Variants in CSMD3 observed in about 807,000 individuals in gnomAD.
CSMD3 encodes the protein CUB and Sushi multiple domains 3, also known as CUB and sushi domain-containing protein 3.
In CSMD3, 177 loss-of-function variants were observed where a neutral mutation model predicts 435.2. The observed-to-expected ratio is 0.41, with a 90% confidence interval of 0.36 to 0.46. The LOEUF (loss-of-function observed/expected upper bound fraction) is 0.46, where lower values mean the gene tolerates loss of function less well. CSMD3 is among the 20% of genes least tolerant of loss of function. CSMD3 has a pLI of 0.34. For synonymous variants in CSMD3, 1,656 were observed against 1,520.5 expected (o/e 1.09, Z -2.07); for missense variants, 4,265 against 4,504.6 (o/e 0.95, Z 1.52).
At chr8:112,446,416 A>T (rs1815612463) in intron 32 of CSMD3, among the ~76,000 whole-genome samples, 1 of 152,226 alleles carries the variant, frequency 6.6e-6, no homozygotes. Flanking sequence ...CTCAAACTTA[A>T]ATGCACATAA....
At chr8:112,258,993 C>A (rs187198498) in intron 61 of CSMD3, among the ~76,000 whole-genome samples, 1 of 151,772 alleles carries the variant, frequency 6.6e-6, no homozygotes. Flanking sequence ...GAGCCGAGAT[C>A]GTGCCACTGC....
chr8:113,040,262 C>T (rs1238753357), intron 5 of CSMD3, among the ~76,000 whole-genome samples: 1 of 152,092 alleles, frequency 6.6e-6, no homozygotes, highest in Non-Finnish European at 1.5e-5. Context: ...GTTAGGAATG[C>T]TGTTGGAAAG....
At chr8:113,429,576 A>G (rs2094658118) in intron 1 of CSMD3, among the ~76,000 whole-genome samples, 1 of 152,000 alleles carries the variant, frequency 6.6e-6, no homozygotes, top group Non-Finnish European at 1.5e-5. Flanking sequence ...TCACTCCATA[A>G]TTATCTCCTT....
chr8:112,933,577 T>C (rs996545457), intron 9 of CSMD3, among the ~76,000 whole-genome samples: 3 of 152,164 alleles, frequency 2.0e-5, no homozygotes, highest in African/African-American at 7.2e-5. Context: ...ATACTCTGAA[T>C]CATAGATCAG....
chr8:112,593,271 G>A (rs748632513), intron 22 of CSMD3, among the ~76,000 whole-genome samples: 17 of 152,124 alleles, frequency 1.1e-4, no homozygotes, highest in Non-Finnish European at 2.2e-4. Flanking sequence ...TATGAGGAAT[G>A]AATTGTAGTC....
intron 3 of CSMD3, among the ~76,000 whole-genome samples, chr8:113,270,316 C>T (rs1236461494): frequency 3.0e-5 from 2 of 67,732 alleles, no homozygotes; most frequent in Non-Finnish European, 5.8e-5. Context: ...ATTAAAAAGT[C>T]GGGAAACAAC....
At chr8:112,594,769 C>T (rs1253773837) in intron 22 of CSMD3, among the ~76,000 whole-genome samples, 14 of 152,116 alleles carry the variant, frequency 9.2e-5, no homozygotes, top group East Asian at 1.9e-4. Flanking sequence ...ACACCTCACA[C>T]GGCAGGGTAC....
chr8:112,627,757 GAT>G (rs1432166999), intron 22 of CSMD3, among the ~76,000 whole-genome samples: 1 of 152,112 alleles, frequency 6.6e-6, no homozygotes, highest in Non-Finnish European at 1.5e-5. Flanking sequence ...TCACCATATA[GAT>G]AGGTCAGGGT....
chr8:112,705,206 A>G (rs2076472830), intron 13 of CSMD3, among the ~76,000 whole-genome samples: 1 of 152,066 alleles, frequency 6.6e-6, no homozygotes, highest in South Asian at 2.1e-4. Context: ...TCTTTTACCT[A>G]AAAACAAGCC....
intron 3 of CSMD3, among the ~76,000 whole-genome samples, chr8:113,254,754 T>A (rs200415069): frequency 5.4e-4 from 65 of 120,956 alleles, no homozygotes; most frequent in African/African-American, 2.5e-3. Context: ...TATATAAAAA[T>A]AAAAATTGTT....
chr8:112,874,291 C>T (rs932670696), intron 10 of CSMD3, among the ~76,000 whole-genome samples: 3 of 151,924 alleles, frequency 2.0e-5, no homozygotes, highest in Non-Finnish European at 2.9e-5. Flanking sequence ...TTATGATTTC[C>T]GTTCTTTTAC....
chr8:112,578,149 A>C (rs1474062090), intron 23 of CSMD3, among the ~76,000 whole-genome samples: 1 of 152,112 alleles, frequency 6.6e-6, no homozygotes, highest in East Asian at 1.9e-4. Context: ...AAAAGTCTCT[A>C]TTCTAAAACT....
intron 32 of CSMD3, among the ~76,000 whole-genome samples, chr8:112,448,771 A>C (rs10110718): frequency 0.42 from 63,396 of 149,190 alleles, 14,606 homozygotes; most frequent in Middle Eastern, 0.61. Flanking sequence ...AAAAAAAAAA[A>C]AAAAAAACCA....
At chr8:112,979,628 C>A (rs1270833636) in intron 6 of CSMD3, among the ~76,000 whole-genome samples, 1 of 151,398 alleles carries the variant, frequency 6.6e-6, no homozygotes, top group Admixed American at 6.6e-5. Flanking sequence ...ACTTTACTTT[C>A]ATTTTTGAAA....
Position 112,843,990 on chromosome 8 carries a change from A to C in CSMD3, c.1756-14201T>G, listed in dbSNP as rs538274604. Among the ~76,000 whole-genome samples the C allele has an allele frequency of 2.0e-5, 3 of 152,032 alleles. No individual in the cohort carries two copies. In the South Asian group the frequency reaches 6.2e-4, roughly 32 times the overall value. On this transcript the variant is annotated intron_variant, in intron 11 of 70. Coordinates refer to ENST00000297405, the MANE Select transcript of CSMD3 (RefSeq NM_198123.2). ...ACAGCATCCAGACTTCATCATTCTT[A>C]TTTCATTTAATAAAGCCACTGGCTC...
chr8:113,124,975 C>T (rs2131650610), intron 4 of CSMD3, among the ~76,000 whole-genome samples: 1 of 152,050 alleles, frequency 6.6e-6, no homozygotes, highest in Non-Finnish European at 1.5e-5. Context: ...TTTCTAGTCC[C>T]TGCAGGTCCA....
intron 55 of CSMD3, among the ~76,000 whole-genome samples, chr8:112,292,297 T>C (rs562804181): frequency 6.6e-6 from 1 of 152,240 alleles, no homozygotes; most frequent in Admixed American, 6.5e-5. Context: ...TTTTAACTTT[T>C]AAAAATATAA....
At chr8:113,240,501 A>G (rs2093202212) in intron 3 of CSMD3, among the ~76,000 whole-genome samples, 1 of 152,146 alleles carries the variant, frequency 6.6e-6, no homozygotes, top group Non-Finnish European at 1.5e-5. Flanking sequence ...CTTTTTATCC[A>G]CAACCTCACT....
chr8:112,531,507 AAG>A (rs1173447356), intron 27 of CSMD3, among the ~76,000 whole-genome samples: 1 of 152,100 alleles, frequency 6.6e-6, no homozygotes. Flanking sequence ...GCTGAGTATG[AAG>A]AGACTCCTGT....
Sources: allele counts gnomAD v4.1 joint callset (sites outside exome capture counted in the v4.1 genomes callset), GRCh38; gene constraint gnomAD v4.1.1; transcripts MANE v1.5; gene names NCBI Gene and HGNC (gene_info 2026-07-23, HGNC 2026-07-21).